The following ACO2 variants were observed in gnomAD, a reference collection of about 807,000 sequenced individuals.
ACO2 encodes aconitate hydratase, mitochondrial.
In ACO2, 31 loss-of-function variants were observed where a neutral mutation model predicts 84.5. The observed-to-expected ratio is 0.37, with a 90% CI of 0.28 to 0.50. The LOEUF (loss-of-function observed/expected upper bound fraction) is 0.50. ACO2 is among the 20% of genes least tolerant of loss of function. The pLI is 0.97. For synonymous variants in ACO2, 414 were observed against 412.7 expected (o/e 1.00, Z -0.04); for missense variants, 685 against 1,029.3 (o/e 0.67, Z 4.58).
intron 3 of ACO2, among the ~76,000 whole-genome samples, chr22:41,511,354 T>G (rs2066431681): frequency 2.0e-5 from 3 of 152,316 alleles, no homozygotes; most frequent in African/African-American, 7.2e-5. Context: ...GTATTTTTAG[T>G]AGAGACAGGG....
chr22:41,471,862 T>C (rs1417091236), intron 1 of ACO2, among the ~76,000 whole-genome samples: 1 of 152,222 alleles, frequency 6.6e-6, no homozygotes, highest in African/African-American at 2.4e-5. Flanking sequence ...GCATGGACTC[T>C]GGCATCAGGC....
At chr22:41,477,454 C>G (rs187848768) in intron 1 of ACO2, among the ~76,000 whole-genome samples, 1 of 151,906 alleles carries the variant, frequency 6.6e-6, no homozygotes, top group Non-Finnish European at 1.5e-5. Flanking sequence ...CCACCGCACC[C>G]GACCTCTTTA....
chr22:41,519,442 A>G lies in ACO2; in HGVS notation c.1033-729A>G, dbSNP rs557412975. On this transcript the variant is annotated intron_variant, in intron 8 of 17. Coordinates refer to ENST00000216254, the MANE Select transcript of ACO2 (RefSeq NM_001098.3). ...GAGGTTTACTGCATGCTGCGCACAT[A>G]GCTGAGTGCCTCGCATTTACTGATG... Among the ~76,000 whole-genome samples, 3 of 152,318 alleles carry G rather than the reference A, an allele frequency of 2.0e-5. No homozygotes were observed. In the South Asian group the frequency reaches 6.2e-4, roughly 32 times the overall value.
intron 9 of ACO2, among the ~76,000 whole-genome samples, chr22:41,522,483 A>C (rs778280335): frequency 6.6e-6 from 1 of 152,238 alleles, no homozygotes; most frequent in African/African-American, 2.4e-5. Context: ...GAAGAAAATT[A>C]GCATCTCCTG....
At chr22:41,503,596 T>C (rs2066369899) in intron 2 of ACO2, among the ~76,000 whole-genome samples, 1 of 152,178 alleles carries the variant, frequency 6.6e-6, no homozygotes, top group Non-Finnish European at 1.5e-5. Context: ...CCCAAAGTGC[T>C]GAGGTGACAG....
chr22:41,484,319 G>A (rs1023525984), intron 1 of ACO2, among the ~76,000 whole-genome samples: 8 of 152,138 alleles, frequency 5.3e-5, no homozygotes, highest in Non-Finnish European at 1.0e-4. Flanking sequence ...TTGTGGGGAG[G>A]GAGAGATGCA....
At chr22:41,521,428 G>A (rs1373823283) in intron 9 of ACO2, 2 of 152,256 alleles carry the variant, frequency 1.3e-5, no homozygotes, top group Non-Finnish European at 2.9e-5. Flanking sequence ...ACTAACAGCT[G>A]AGTGACCCTG....
rs1244581666 is a variant in ACO2 at position 41,527,781 on chromosome 22, C to T, written c.2087-120C>T. The stretch of plus-strand genomic sequence containing the variant: ...GCAGACCAGGGCCCCATAGTCACTG[C>T]CCGGGCATTGTCCCAGGCAGCAGGA... On this transcript the variant is annotated intron_variant, in intron 16 of 17. Coordinates refer to ENST00000216254, the MANE Select transcript of ACO2 (RefSeq NM_001098.3). 15 of 1,523,790 alleles carry T rather than the reference C, an allele frequency of 9.8e-6. No homozygotes were observed. The Admixed American group carries it at 2.6e-4, about 26-fold the overall frequency. The allele number at this position is 1,523,790 out of a possible 1,614,324, so 94.4% of individuals were successfully genotyped here.
At chr22:41,528,093 C>G in intron 17 of ACO2, 71 bp downstream of exon 17, 2 of 1,598,988 alleles carry the variant, frequency 1.3e-6, no homozygotes, top group Non-Finnish European at 1.7e-6. Context: ...CTGCACTGGC[C>G]CCAGGGTAGC....
chr22:41,496,214 C>T (rs1443231090), intron 1 of ACO2, among the ~76,000 whole-genome samples: 2 of 151,960 alleles, frequency 1.3e-5, no homozygotes, highest in East Asian at 3.9e-4. Context: ...ACTTGGGGGA[C>T]TGAGGCAGGA....
intron 1 of ACO2, among the ~76,000 whole-genome samples, chr22:41,486,928 G>A (rs1311500659): frequency 6.6e-6 from 1 of 151,712 alleles, no homozygotes; most frequent in African/African-American, 2.4e-5. Flanking sequence ...CTGTCGCCCA[G>A]GCTGGAGTGC....
At chr22:41,481,397 A>AGCTCTGTAGCTT (rs1177789551) in intron 1 of ACO2, among the ~76,000 whole-genome samples, 7 of 152,328 alleles carry the variant, frequency 4.6e-5, no homozygotes, top group Admixed American at 2.6e-4. Flanking sequence ...CGGCACCCTC[A>AGCTCTGTAGCTT]GCTCTGTAGC....
intron 1 of ACO2, among the ~76,000 whole-genome samples, chr22:41,486,469 A>ATT (rs1186941362): frequency 0.03 from 3,131 of 104,460 alleles, 196 homozygotes; most frequent in African/African-American, 0.11. Context: ...AACTTTTTGT[A>ATT]TTTTTTTTTT....
chr22:41,507,836 C>T lies in ACO2; in HGVS notation c.219C>T (p.His73=). The T allele has an allele frequency of 1.2e-6, 2 of 1,614,204 alleles. No homozygotes were observed. The highest frequency in any genetic ancestry group is 2.2e-5 in the East Asian group (1 of 44,888). Residue 73 remains histidine, a synonymous_variant, in exon 3 of 18, where the codon CAC becomes CAT. Transcript: ENST00000216254. ...LTLSEKIVYG[H]LDDPASQEIE... is the part of the protein sequence containing the mutation. The stretch of plus-strand genomic sequence containing the variant: ...TCTCGGAGAAGATTGTGTATGGACA[C>T]CTGGATGACCCCGCCAGCCAGGAAA...
chr22:41,499,641 AT>A, intron 1 of ACO2, 84 bp from the exon 2 acceptor site: 1 of 1,459,384 alleles, frequency 6.9e-7, no homozygotes. Flanking sequence ...TAATTCCTGG[AT>A]TTTTTTCACC....
At chr22:41,492,520 T>C (rs2066279058) in intron 1 of ACO2, among the ~76,000 whole-genome samples, 1 of 152,128 alleles carries the variant, frequency 6.6e-6, no homozygotes, top group South Asian at 2.1e-4. Flanking sequence ...ATGCATATAA[T>C]CCGAATACTT....
chr22:41,505,256 A>G (rs565111994), intron 2 of ACO2, among the ~76,000 whole-genome samples: 1 of 152,168 alleles, frequency 6.6e-6, no homozygotes, highest in South Asian at 2.1e-4. Flanking sequence ...AATAAAATAA[A>G]TAAATAAATA....
chr22:41,513,240 G>T (rs955022940), intron 4 of ACO2, among the ~76,000 whole-genome samples: 1 of 152,344 alleles, frequency 6.6e-6, no homozygotes, highest in East Asian at 1.9e-4. Flanking sequence ...AAATGCCCAG[G>T]CCTTTATGGC....
chr22:41,521,035 CAAAAAAAAAAAAAAA>C (rs375633363), intron 9 of ACO2, among the ~76,000 whole-genome samples: 2 of 81,634 alleles, frequency 2.4e-5, no homozygotes, highest in Non-Finnish European at 4.4e-5. Context: ...AGCCTGCCTC[CAAAAAAAAAAAAAAA>C]AAAAAAAAAG....
Sources: gnomAD v4.1 joint callset for allele counts (sites outside exome capture counted in the v4.1 genomes callset) on GRCh38, gnomAD v4.1.1 for gene constraint, MANE v1.5 for transcripts, NCBI Gene and HGNC (gene_info 2026-07-23, HGNC 2026-07-21) for gene names.